M1AP: variants seen among roughly 807,000 people sequenced by gnomAD.
The protein encoded by M1AP is meiosis 1 associated protein.
In M1AP, 39 loss-of-function variants were observed where a neutral mutation model predicts 51.2. The observed-to-expected ratio is 0.76, with a 90% confidence interval of 0.59 to 1.00. The LOEUF (loss-of-function observed/expected upper bound fraction) is 1.00. Ranked by LOEUF, M1AP falls within the 50% of genes least tolerant of loss-of-function variation. The pLI, the probability that M1AP is intolerant of heterozygous loss-of-function variation, is 0.00. For missense variants in M1AP, 545 were observed against 641.2 expected, an observed-to-expected ratio of 0.85 and a Z score of 1.62; for synonymous variants, 251 against 249.2, an observed-to-expected ratio of 1.01 and a Z score of -0.07.
At chr2:74,646,421 T>C (rs1243074338) in intron 1 of M1AP, among the ~76,000 whole-genome samples, 1 of 152,166 alleles carries the variant, frequency 6.6e-6, no homozygotes, top group East Asian at 1.9e-4. Flanking sequence ...GCCAGAGGAA[T>C]TTAGTGAAGG....
Position 74,560,184 on chromosome 2 carries a change from G to A in M1AP, c.1389C>T (p.Leu463=). 1.2e-6 allele frequency: 2 copies of A among 1,614,016 alleles called. No homozygotes were observed. Among genetic ancestry groups the A allele is most frequent in the South Asian group, 1.1e-5 (1 of 91,062 alleles). The change falls in exon 9 of 11, where the codon CTC becomes CTT. Residue 463 remains leucine, a synonymous_variant. Coordinates refer to ENST00000421985, the MANE Select transcript of M1AP (RefSeq NM_001321739.2). ...GAGCTCGGCTCTCCCAGTGTGGGTG[G>A]AGCCGCCCCTGAGGCTTGGCATAGA... ...SSIYAKPQGR[L]HPHWESRAPR...
chr2:74,561,064 G>C (rs1214714116), intron 8 of M1AP, among the ~76,000 whole-genome samples: 5 of 115,072 alleles, frequency 4.3e-5, no homozygotes, highest in African/African-American at 1.5e-4. Flanking sequence ...AGGAGGAGGG[G>C]AGGAGGAGGA....
chr2:74,602,377 T>G (rs1404475354), intron 4 of M1AP, among the ~76,000 whole-genome samples: 4 of 152,114 alleles, frequency 2.6e-5, no homozygotes, highest in Admixed American at 1.3e-4. Flanking sequence ...ATCTCAGAAA[T>G]ATAACAAACC....
At chr2:74,648,170 A>C (rs1406844662) in intron 1 of M1AP, 95 bp downstream of exon 1, 1 of 956,284 alleles carries the variant, frequency 1.0e-6, no homozygotes, top group Admixed American at 6.2e-5. Context: ...CTGCCTGAGG[A>C]CTGGCCCGAG....
At position 74,647,125 on chromosome 2, in the gene M1AP, C is replaced by G. The variant is rs571028891; in HGVS notation, c.-53+1140G>C. 185 of 798,782 alleles carry G rather than the reference C, an allele frequency of 2.3e-4. 2 individuals carry two copies. In the African/African-American group the frequency reaches 3.3e-3, roughly 14 times the overall value. The allele number at this position is 798,782 out of a possible 1,614,324, so 49.5% of individuals were successfully genotyped here. A position where few individuals can be genotyped will look rare whatever the true frequency, so the allele number is the denominator to read the frequency against. ...CCACTCCAAACCACCAAGTTATGCCCAAACTAAAAACCCTCCAAGGACTTC... is the reference window on the plus strand; with the variant it reads ...CCACTCCAAACCACCAAGTTATGCCGAAACTAAAAACCCTCCAAGGACTTC... On this transcript the variant is annotated intron_variant, in intron 1 of 10. Coordinates refer to ENST00000421985, the MANE Select transcript of M1AP (RefSeq NM_001321739.2).
chr2:74,614,686 T>C (rs894307052), intron 3 of M1AP, among the ~76,000 whole-genome samples: 3 of 152,228 alleles, frequency 2.0e-5, no homozygotes, highest in Admixed American at 6.5e-5. Flanking sequence ...CAGAGGCAGA[T>C]GGCATATTCA....
chr2:74,570,105 G>T (rs567860021), intron 7 of M1AP, among the ~76,000 whole-genome samples: 1 of 152,170 alleles, frequency 6.6e-6, no homozygotes, highest in South Asian at 2.1e-4. Context: ...TATGCCATTT[G>T]TGCAGAGACT....
rs1475609412 is a variant in M1AP at position 74,633,707 on chromosome 2, T to C, written c.240+6329A>G. ...ATTTAGGACCATAACAACATACCTA[T>C]TGTGTTGGTCCTCAGTAAAGTCTTT... On this transcript the variant is annotated intron_variant, in intron 2 of 10. Transcript: ENST00000421985. 5.9e-5 allele frequency among the ~76,000 whole-genome samples: 9 copies of C among 152,278 alleles called. No individual in the cohort carries two copies. In the South Asian group the frequency reaches 1.9e-3, roughly 32 times the overall value.
intron 7 of M1AP, among the ~76,000 whole-genome samples, chr2:74,567,260 A>C (rs1678452200): frequency 6.6e-6 from 1 of 152,272 alleles, no homozygotes; most frequent in Non-Finnish European, 1.5e-5. Flanking sequence ...AAGTAGGGCA[A>C]TAATACAGCC....
Position 74,640,252 on chromosome 2 carries a change from A to C in M1AP, c.24T>G (p.Gly8=). MHPGRTT[G]KGPSTHTQID... ...TCTGAGTGTGAGTAGAGGGCCCTTT[A>C]CCAGTAGTTCGCCCAGGATGCATGG... Residue 8 remains glycine (G), a synonymous_variant, in exon 2 of 11, where the codon GGT becomes GGG. Coordinates refer to ENST00000421985, the MANE Select transcript of M1AP (RefSeq NM_001321739.2). The C allele has an allele frequency of 6.2e-7, 1 of 1,614,078 alleles. No individual in the cohort carries two copies. Among genetic ancestry groups the C allele is most frequent in the Non-Finnish European group, 8.5e-7 (1 of 1,179,974 alleles).
intron 3 of M1AP, among the ~76,000 whole-genome samples, chr2:74,607,777 G>T (rs945691624): frequency 6.6e-6 from 1 of 152,038 alleles, no homozygotes; most frequent in African/African-American, 2.4e-5. Context: ...ACTGGCCACT[G>T]TATGTTATTA....
chr2:74,586,995 T>A (rs1172659522), intron 4 of M1AP, among the ~76,000 whole-genome samples: 2 of 144,604 alleles, frequency 1.4e-5, no homozygotes, highest in African/African-American at 2.6e-5. Flanking sequence ...AGAGCGAAAC[T>A]CCATTTCAAA....
intron 4 of M1AP, among the ~76,000 whole-genome samples, chr2:74,582,702 T>C (rs1265907698): frequency 2.6e-5 from 4 of 152,164 alleles, no homozygotes; most frequent in Non-Finnish European, 4.4e-5. Flanking sequence ...TTGAATTTTA[T>C]TGGAGTTGTG....
In M1AP at chr2:74,640,063, A is replaced by G. The variant is rs1424404310; in HGVS notation, c.213T>C (p.Asp71=). The change falls in exon 2 of 11, where the codon GAT becomes GAC. Residue 71 remains aspartate (D), a synonymous_variant. Transcript: ENST00000421985. ...MSLFSLYMVQ[D]QHECILPFVQ... is the part of the protein sequence containing the mutation. ...CAAAAGGGAGGATGCACTCATGCTG[A>G]TCTTGTACCATGTATAAACTGAACA... The G allele has an allele frequency of 3.1e-6, 5 of 1,614,122 alleles. 1 individual carries two copies. In the African/African-American group the frequency reaches 6.7e-5, roughly 22 times the overall value.
chr2:74,594,577 A>T (rs1331068686), intron 4 of M1AP, among the ~76,000 whole-genome samples: 1 of 152,184 alleles, frequency 6.6e-6, no homozygotes, highest in East Asian at 1.9e-4. Context: ...AGTTGGGTTA[A>T]GATGTAAATT....
intron 6 of M1AP, among the ~76,000 whole-genome samples, 176 bp from the exon 7 acceptor site, chr2:74,575,755 T>C (rs774250860): frequency 3.3e-5 from 5 of 152,368 alleles, no homozygotes; most frequent in Non-Finnish European, 7.3e-5. Context: ...ACACAGAAGA[T>C]TGTCAAAGTT....
intron 3 of M1AP, among the ~76,000 whole-genome samples, chr2:74,610,004 AT>A (rs200540345): frequency 3.1e-3 from 451 of 145,702 alleles, no homozygotes; most frequent in African/African-American, 9.6e-3. Context: ...ACTTCACTCT[AT>A]TTTTTTTTTT....
chr2:74,631,508 T>C (rs1462927666), intron 2 of M1AP, among the ~76,000 whole-genome samples: 1 of 152,172 alleles, frequency 6.6e-6, no homozygotes, highest in African/African-American at 2.4e-5. Context: ...ATATATTATA[T>C]CTCTATTACT....
At chr2:74,583,623 TA>T (rs1439678873) in intron 4 of M1AP, among the ~76,000 whole-genome samples, 1 of 152,200 alleles carries the variant, frequency 6.6e-6, no homozygotes, top group African/African-American at 2.4e-5. Context: ...ATCTCTGAAA[TA>T]CTTTTACAAA....
Sources: allele counts gnomAD v4.1 joint callset (sites outside exome capture counted in the v4.1 genomes callset), GRCh38; gene constraint gnomAD v4.1.1; transcripts MANE v1.5; gene names NCBI Gene and HGNC (gene_info 2026-07-23, HGNC 2026-07-21).